LARGE1: variants seen among roughly 807,000 people sequenced by gnomAD.
LARGE1 encodes xylosyl- and glucuronyltransferase LARGE1.
A neutral mutation model predicts 87.6 loss-of-function variants in LARGE1; 43 were observed. The observed-to-expected ratio is 0.49, with a 90% confidence interval of 0.38 to 0.63. LARGE1 has a LOEUF of 0.63. Among genes scored for constraint, LARGE1 ranks in the 30% least tolerant of loss-of-function variants. The pLI, the probability that LARGE1 is intolerant of heterozygous loss-of-function variation, is 0.00. For synonymous variants in LARGE1, 434 were observed against 394.6 expected (o/e 1.10, Z -1.18); for missense variants, 802 against 1,000.2 (o/e 0.80, Z 2.67).
At chr22:33,489,462 T>C (rs1400704868) in intron 6 of LARGE1, among the ~76,000 whole-genome samples, 1 of 152,154 alleles carries the variant, frequency 6.6e-6, no homozygotes, top group Admixed American at 6.5e-5. Context: ...GTAGCTCCCA[T>C]AATTTTTATG....
intron 6 of LARGE1, among the ~76,000 whole-genome samples, chr22:33,528,186 A>G (rs2072009552): frequency 1.3e-5 from 2 of 152,142 alleles, no homozygotes; most frequent in Non-Finnish European, 2.9e-5. Flanking sequence ...AGGATAATAC[A>G]GTAGTGTCAG....
At chr22:33,415,810 A>G (rs1051907131) in intron 7 of LARGE1, among the ~76,000 whole-genome samples, 1 of 152,180 alleles carries the variant, frequency 6.6e-6, no homozygotes, top group African/African-American at 2.4e-5. Context: ...GAGACAATCA[A>G]GAGGGAAGAG....
the LARGE1 span, among the ~76,000 whole-genome samples, chr22:33,083,233 C>T: frequency 2.0e-5 from 3 of 152,108 alleles, no homozygotes; most frequent in African/African-American, 7.2e-5. Flanking sequence ...ATGTGAGTCT[C>T]AAGTCTCTGT....
At chr22:33,634,459 TGA>T (rs1201760204) in intron 3 of LARGE1, among the ~76,000 whole-genome samples, 4 of 152,248 alleles carry the variant, frequency 2.6e-5, no homozygotes, top group African/African-American at 9.6e-5. Flanking sequence ...GTGATTATTT[TGA>T]GAGAGTACGA....
At chr22:33,624,498 G>A (rs1473390123) in intron 4 of LARGE1, among the ~76,000 whole-genome samples, 1 of 152,176 alleles carries the variant, frequency 6.6e-6, no homozygotes, top group Non-Finnish European at 1.5e-5. Flanking sequence ...TTGCCAAGGT[G>A]AGGGTGGGAG....
chr22:33,763,583 G>A (rs1441839222), intron 1 of LARGE1, among the ~76,000 whole-genome samples: 2 of 152,098 alleles, frequency 1.3e-5, no homozygotes, highest in Admixed American at 6.6e-5. Context: ...AGAAAAAGAG[G>A]GCTGTGCAGT....
the LARGE1 span, among the ~76,000 whole-genome samples, chr22:33,144,495 T>C: frequency 6.6e-6 from 1 of 152,162 alleles, no homozygotes; most frequent in Non-Finnish European, 1.5e-5. Context: ...TTGTTGCATA[T>C]ATGTTGAGGT....
chr22:33,808,587 C>T (rs930781698), intron 1 of LARGE1, among the ~76,000 whole-genome samples: 3 of 152,210 alleles, frequency 2.0e-5, no homozygotes, highest in African/African-American at 7.2e-5. Flanking sequence ...CCCTGCACGA[C>T]GCTGGGATCG....
At chr22:33,900,876 G>A (rs1266646979) in intron 1 of LARGE1, among the ~76,000 whole-genome samples, 4 of 152,054 alleles carry the variant, frequency 2.6e-5, no homozygotes, top group Non-Finnish European at 4.4e-5. Flanking sequence ...GCGAAACCCC[G>A]TCTCTACTAA....
At chr22:33,122,523 T>C in the LARGE1 span, among the ~76,000 whole-genome samples, 8 of 152,198 alleles carry the variant, frequency 5.3e-5, no homozygotes, top group Non-Finnish European at 1.2e-4. Flanking sequence ...CATGCCCAGA[T>C]AATTATTGTG....
intron 1 of LARGE1, among the ~76,000 whole-genome samples, chr22:33,773,139 G>T (rs1286772460): frequency 6.6e-6 from 1 of 152,140 alleles, no homozygotes; most frequent in Non-Finnish European, 1.5e-5. Context: ...GACCACACAG[G>T]AAGCAACTGG....
intron 11 of LARGE1, among the ~76,000 whole-genome samples, chr22:33,167,309 C>T (rs1922326158): frequency 6.6e-6 from 1 of 152,192 alleles, no homozygotes; most frequent in South Asian, 2.1e-4. Flanking sequence ...AATTTTACAA[C>T]TTACAGTACA....
intron 14 of LARGE1, among the ~76,000 whole-genome samples, chr22:33,274,987 C>G (rs1348458449): frequency 6.6e-6 from 1 of 152,166 alleles, no homozygotes; most frequent in Non-Finnish European, 1.5e-5. Flanking sequence ...CATGGACAGT[C>G]TAGGATGACA....
chr22:33,570,379 G>A (rs1354707841), intron 5 of LARGE1, among the ~76,000 whole-genome samples: 2 of 152,180 alleles, frequency 1.3e-5, no homozygotes, highest in Non-Finnish European at 2.9e-5. Context: ...GGGGAAATAA[G>A]TCACTTGTCA....
chr22:33,212,957 G>A (rs1925034509), intron 11 of LARGE1, among the ~76,000 whole-genome samples: 1 of 151,788 alleles, frequency 6.6e-6, no homozygotes, highest in African/African-American at 2.4e-5. Flanking sequence ...GGCGGGGTCT[G>A]CAGTGAGCCG....
chr22:33,072,971 A>T, the LARGE1 span, among the ~76,000 whole-genome samples: 4 of 152,208 alleles, frequency 2.6e-5, no homozygotes, highest in Admixed American at 2.6e-4. Context: ...ATTTCTAGGC[A>T]AGGGAGAAAA....
chr22:33,409,740 A>C (rs2147421159), intron 7 of LARGE1, among the ~76,000 whole-genome samples: 1 of 152,052 alleles, frequency 6.6e-6, no homozygotes, highest in East Asian at 1.9e-4. Context: ...ACACGCCTTT[A>C]GTCCCAGCTA....
At chr22:33,778,773 C>A (rs2085327981) in intron 1 of LARGE1, among the ~76,000 whole-genome samples, 1 of 152,204 alleles carries the variant, frequency 6.6e-6, no homozygotes, top group African/African-American at 2.4e-5. Flanking sequence ...GCCTCAGCCT[C>A]CCCAGTAGCT....
chr22:33,728,551 CAAAAAAAAA>C (rs57790780), intron 2 of LARGE1, among the ~76,000 whole-genome samples: 5 of 37,472 alleles, frequency 1.3e-4, no homozygotes, highest in Admixed American at 3.9e-4. Flanking sequence ...CCCCTACCAC[CAAAAAAAAA>C]AAAAAAAAAA....
Sources: gnomAD v4.1 joint callset for allele counts (sites outside exome capture counted in the v4.1 genomes callset) on GRCh38, gnomAD v4.1.1 for gene constraint, MANE v1.5 for transcripts, NCBI Gene and HGNC (gene_info 2026-07-23, HGNC 2026-07-21) for gene names.